Variants in KAZN observed in about 807,000 individuals in gnomAD.
The protein encoded by KAZN is kazrin.
Under a neutral mutation model 87.4 loss-of-function variants are expected in KAZN, and 40 were observed. The ratio of observed to expected loss-of-function variants is 0.46; its 90% CI spans 0.36 to 0.60. The LOEUF (loss-of-function observed/expected upper bound fraction) is 0.60, where lower values mean the gene tolerates loss of function less well. Ranked by LOEUF, KAZN falls within the 20% of genes least tolerant of loss-of-function variation. The pLI is 0.00. For synonymous variants in KAZN, 466 were observed against 458.3 expected (o/e 1.02, Z -0.22); for missense variants, 898 against 1,073.9 (o/e 0.84, Z 2.29).
intron 2 of KAZN, among the ~76,000 whole-genome samples, chr1:14,274,353 A>G (rs1652185883): frequency 6.6e-6 from 1 of 151,946 alleles, no homozygotes; most frequent in African/African-American, 2.4e-5. Flanking sequence ...TAATTCACCA[A>G]ACACACCACC....
chr1:15,104,094 C>T lies in KAZN; in HGVS notation c.1953C>T (p.Ala651=), dbSNP rs764138893. 1.8e-5 allele frequency: 29 copies of T among 1,612,888 alleles called. No individual in the cohort carries two copies. The highest frequency in any genetic ancestry group is 1.6e-4 in the Middle Eastern group (1 of 6,084). ...TGGTGCTGGAGCCCACATTCAATGC[C>T]GAGGCCATGGCCACTGCCCTGGGCA... ...AVLVLEPTFN[A]EAMATALGIP... is the part of the protein sequence containing the mutation. Residue 651 remains alanine (A), a synonymous_variant, in exon 13 of 15, where the codon GCC becomes GCT. Transcript: ENST00000376030.
At chr1:14,295,931 C>G (rs549905525) in intron 2 of KAZN, among the ~76,000 whole-genome samples, 1 of 152,128 alleles carries the variant, frequency 6.6e-6, no homozygotes, top group Non-Finnish European at 1.5e-5. Flanking sequence ...TTGGCATCAC[C>G]CAGCGCACTG....
intron 2 of KAZN, among the ~76,000 whole-genome samples, chr1:14,551,955 A>C (rs960992952): frequency 2.0e-5 from 3 of 152,072 alleles, no homozygotes; most frequent in Admixed American, 6.5e-5. Context: ...AGATCATTAA[A>C]GTCTCTCTCT....
chr1:14,243,938 G>A (rs913184999), intron 2 of KAZN, among the ~76,000 whole-genome samples: 22 of 152,250 alleles, frequency 1.4e-4, no homozygotes, highest in African/African-American at 4.8e-4. Flanking sequence ...GCTACCCTGG[G>A]GGAGCCAAGG....
intron 2 of KAZN, among the ~76,000 whole-genome samples, chr1:14,407,790 G>C (rs1663986502): frequency 6.6e-6 from 1 of 152,168 alleles, no homozygotes; most frequent in Non-Finnish European, 1.5e-5. Context: ...ATATGCACTT[G>C]AATGATTACT....
intron 1 of KAZN, among the ~76,000 whole-genome samples, chr1:14,664,490 TCTTTTG>T (rs1420679416): frequency 6.6e-6 from 1 of 152,070 alleles, no homozygotes; most frequent in Non-Finnish European, 1.5e-5. Flanking sequence ...GTTTGACCAA[TCTTTTG>T]CTTTAGTGAA....
chr1:15,045,763 G>A (rs1279476373), intron 4 of KAZN, among the ~76,000 whole-genome samples: 1 of 152,166 alleles, frequency 6.6e-6, no homozygotes, highest in Non-Finnish European at 1.5e-5. Context: ...TTACAGGATG[G>A]CAGGAGGGAG....
At chr1:14,537,923 CAAATAAT>C (rs1235027946) in intron 2 of KAZN, among the ~76,000 whole-genome samples, 1 of 152,116 alleles carries the variant, frequency 6.6e-6, no homozygotes, top group Non-Finnish European at 1.5e-5. Flanking sequence ...CAAACAAGCA[CAAATAAT>C]AAATAATAAA....
At chr1:15,061,171 A>G (rs957940764) in intron 6 of KAZN, 1 of 152,254 alleles carries the variant, frequency 6.6e-6, no homozygotes, top group Non-Finnish European at 1.5e-5. Flanking sequence ...ATTACTTGCC[A>G]GTGACATGAT....
intron 2 of KAZN, among the ~76,000 whole-genome samples, chr1:14,389,108 C>T (rs948785665): frequency 2.0e-5 from 3 of 152,130 alleles, no homozygotes; most frequent in Non-Finnish European, 2.9e-5. Flanking sequence ...AGGTGCTCAA[C>T]ATTATTGATC....
intron 2 of KAZN, among the ~76,000 whole-genome samples, chr1:14,472,559 A>T (rs1668510170): frequency 6.6e-6 from 1 of 152,192 alleles, no homozygotes; most frequent in Non-Finnish European, 1.5e-5. Context: ...CCAGGAGGGT[A>T]AGAAAGTGTT....
intron 2 of KAZN, among the ~76,000 whole-genome samples, chr1:14,965,165 C>A (rs748102561): frequency 7.9e-5 from 12 of 152,022 alleles, no homozygotes; most frequent in South Asian, 2.1e-4. Flanking sequence ...ACTACAGGCA[C>A]ACACCACCAT....
intron 1 of KAZN, among the ~76,000 whole-genome samples, chr1:14,681,619 A>T (rs1429736015): frequency 1.4e-4 from 1 of 7,122 alleles, no homozygotes; most frequent in African/African-American, 5.2e-4. Flanking sequence ...ATGTGTATAT[A>T]TATATATATA....
chr1:14,287,536 C>T (rs2100735412), intron 2 of KAZN, among the ~76,000 whole-genome samples: 1 of 152,240 alleles, frequency 6.6e-6, no homozygotes, highest in South Asian at 2.1e-4. Context: ...ATTTTGTATC[C>T]TGAGATTTTG....
At chr1:14,956,392 G>C (rs1171627331) in intron 1 of KAZN, among the ~76,000 whole-genome samples, 1 of 151,758 alleles carries the variant, frequency 6.6e-6, no homozygotes, top group East Asian at 1.9e-4. Context: ...CTGAGGTCAG[G>C]AGTTCGAGAC....
At chr1:15,110,485 G>T (rs1573323717) in intron 13 of KAZN, among the ~76,000 whole-genome samples, 1 of 46,186 alleles carries the variant, frequency 2.2e-5, no homozygotes, top group African/African-American at 7.7e-5. Flanking sequence ...GTGTATTTGT[G>T]TGTGTATGTA....
intron 1 of KAZN, among the ~76,000 whole-genome samples, chr1:13,979,557 G>C (rs1186092843): frequency 6.6e-6 from 1 of 152,198 alleles, no homozygotes; most frequent in East Asian, 1.9e-4. Context: ...TATCCAGGAA[G>C]GATTAGAAAG....
At chr1:13,975,987 G>A (rs1477322298) in intron 1 of KAZN, among the ~76,000 whole-genome samples, 1 of 152,142 alleles carries the variant, frequency 6.6e-6, no homozygotes, top group Non-Finnish European at 1.5e-5. Context: ...AATTAATTTT[G>A]TTCAGTCCAT....
intron 2 of KAZN, among the ~76,000 whole-genome samples, chr1:14,421,601 C>T (rs910794592): frequency 1.1e-4 from 16 of 152,160 alleles, no homozygotes; most frequent in African/African-American, 3.9e-4. Context: ...AAACCAAAGT[C>T]TTAGAAACAT....
Sources: gnomAD v4.1 joint callset for allele counts (sites outside exome capture counted in the v4.1 genomes callset) on GRCh38, gnomAD v4.1.1 for gene constraint, MANE v1.5 for transcripts, NCBI Gene and HGNC (gene_info 2026-07-23, HGNC 2026-07-21) for gene names.